Variants in AMBRA1 observed in about 807,000 individuals in gnomAD.
AMBRA1 encodes the protein activating molecule in BECN1-regulated autophagy protein 1.
Under a neutral mutation model 125.4 loss-of-function variants are expected in AMBRA1, and 47 were observed. That is an observed-to-expected ratio of 0.37 (90% confidence interval 0.30 to 0.48). The LOEUF (loss-of-function observed/expected upper bound fraction) is 0.48, where lower values mean the gene tolerates loss of function less well. Among genes scored for constraint, AMBRA1 ranks in the 20% least tolerant of loss-of-function variants. The pLI is 0.99. For synonymous variants in AMBRA1, 626 were observed against 655.5 expected, an observed-to-expected ratio of 0.95 and a Z score of 0.69; for missense variants, 1,331 against 1,693.4, an observed-to-expected ratio of 0.79 and a Z score of 3.76.
chr11:46,515,618 AAGG>A (rs1792890841), intron 7 of AMBRA1, among the ~76,000 whole-genome samples: 4 of 152,240 alleles, frequency 2.6e-5, no homozygotes, highest in African/African-American at 7.2e-5. Flanking sequence ...GAATGCTGTA[AAGG>A]AGATTCCTGA....
In AMBRA1 at chr11:46,488,856, T is replaced by C. The variant is rs538445644; in HGVS notation, c.2521+4752A>G. 2.0e-4 allele frequency among the ~76,000 whole-genome samples: 31 copies of C among 152,228 alleles called. No individual in the cohort carries two copies. In the South Asian group the frequency reaches 3.9e-3, roughly 19 times the overall value. ...CAACAACACACTCCCAAAAAAGTAA[T>C]AGGTCAAAGAAGTCGTACTGAGAAG... On this transcript the variant is annotated intron_variant, in intron 11 of 17. Transcript: ENST00000683756.
intron 11 of AMBRA1, among the ~76,000 whole-genome samples, chr11:46,452,948 T>A (rs1160961748): frequency 6.6e-6 from 1 of 152,252 alleles, no homozygotes; most frequent in Non-Finnish European, 1.5e-5. Context: ...AATTCACCTA[T>A]TTTAAAGTAT....
intron 3 of AMBRA1, 92 bp from the exon 4 acceptor site, chr11:46,547,388 C>T (rs2042857428): frequency 1.8e-6 from 2 of 1,094,886 alleles, no homozygotes; most frequent in African/African-American, 3.2e-5. Context: ...TTGATGCTAC[C>T]TGCCAATCCC....
intron 1 of AMBRA1, among the ~76,000 whole-genome samples, chr11:46,573,666 T>A (rs1288247013): frequency 6.7e-6 from 1 of 149,722 alleles, no homozygotes; most frequent in Non-Finnish European, 1.5e-5. Context: ...CCTTTTTCTT[T>A]TTTTTTTTTT....
intron 7 of AMBRA1, among the ~76,000 whole-genome samples, chr11:46,516,729 G>A (rs887852889): frequency 6.6e-5 from 10 of 151,946 alleles, no homozygotes; most frequent in African/African-American, 1.9e-4. Context: ...CACTGCGCCC[G>A]GCCAAAAGAT....
At chr11:46,520,228 A>C (rs1035820909) in intron 7 of AMBRA1, among the ~76,000 whole-genome samples, 2 of 152,198 alleles carry the variant, frequency 1.3e-5, no homozygotes, top group African/African-American at 4.8e-5. Flanking sequence ...AATTTATTGA[A>C]ATTAAAACTG....
intron 7 of AMBRA1, among the ~76,000 whole-genome samples, chr11:46,540,471 G>T (rs1565269318): frequency 6.6e-6 from 1 of 152,118 alleles, no homozygotes; most frequent in Non-Finnish European, 1.5e-5. Flanking sequence ...AGGAATTGAG[G>T]AGCTGTTAAT....
Position 46,508,360 on chromosome 11 carries a change from C to T in AMBRA1, c.2170G>A (p.Ala724Thr). ...IYPDPARLSP[A>T]AYYAQRMIQY... ...ATCATCCTCTGGGCGTAGTATGCAG[C>T]AGGAGATAATCTGAGAGAGACAGAG... The change falls in exon 9 of 18, where the codon GCT (alanine) becomes ACT (threonine). Residue 724 changes from alanine (A) to threonine (T), a missense_variant. Around this residue, in one of 4 missense-constraint regions of AMBRA1, gnomAD observed 689 missense variants for 776.5 expected, o/e 0.89. Transcript: ENST00000683756. 1 of 1,614,008 alleles carries T rather than the reference C, an allele frequency of 6.2e-7. No individual in the cohort carries two copies. The highest frequency in any genetic ancestry group is 2.2e-5 in the East Asian group (1 of 44,888).
chr11:46,552,653 T>C (rs2043042864), intron 1 of AMBRA1, among the ~76,000 whole-genome samples: 1 of 143,472 alleles, frequency 7.0e-6, no homozygotes, highest in Admixed American at 7.3e-5. Flanking sequence ...CACTCCAGCC[T>C]GGGCAACAGA....
intron 8 of AMBRA1, among the ~76,000 whole-genome samples, chr11:46,509,438 A>C (rs907859325): frequency 3.9e-5 from 6 of 152,234 alleles, no homozygotes; most frequent in Admixed American, 2.6e-4. Flanking sequence ...ACTTGACTCA[A>C]TAATTCTACT....
intron 9 of AMBRA1, among the ~76,000 whole-genome samples, chr11:46,505,653 G>T (rs947612899): frequency 3.3e-5 from 5 of 149,310 alleles, no homozygotes; most frequent in Admixed American, 2.7e-4. Context: ...TGTAAATTCA[G>T]GTCATGCTAA....
intron 12 of AMBRA1, among the ~76,000 whole-genome samples, chr11:46,439,028 C>T (rs538697001): frequency 2.6e-5 from 4 of 152,026 alleles, no homozygotes; most frequent in African/African-American, 9.7e-5. Context: ...CCCAGTACTA[C>T]GGGAGGCCAA....
chr11:46,475,542 GAC>G (rs1949781836), intron 11 of AMBRA1, among the ~76,000 whole-genome samples: 2 of 152,124 alleles, frequency 1.3e-5, no homozygotes, highest in African/African-American at 4.8e-5. Context: ...GAAAATGAGA[GAC>G]AGAGGAATCC....
intron 7 of AMBRA1, among the ~76,000 whole-genome samples, chr11:46,527,157 T>C (rs1952007247): frequency 6.6e-6 from 1 of 152,004 alleles, no homozygotes; most frequent in South Asian, 2.1e-4. Context: ...ATTTGAGAAA[T>C]TAAGGCTATT....
At chr11:46,540,147 A>G (rs1393512509) in intron 7 of AMBRA1, among the ~76,000 whole-genome samples, 1 of 152,166 alleles carries the variant, frequency 6.6e-6, no homozygotes, top group East Asian at 1.9e-4. Context: ...TGGTATCTCT[A>G]ATTATCATCA....
intron 11 of AMBRA1, among the ~76,000 whole-genome samples, chr11:46,469,895 C>G (rs182406879): frequency 1.4e-5 from 2 of 142,952 alleles, no homozygotes; most frequent in South Asian, 4.4e-4. Flanking sequence ...CCAGACTGGT[C>G]TCGAACTCCT....
At chr11:46,472,639 A>C (rs1396097791) in intron 11 of AMBRA1, among the ~76,000 whole-genome samples, 4 of 152,224 alleles carry the variant, frequency 2.6e-5, no homozygotes, top group African/African-American at 9.6e-5. Flanking sequence ...AGTAGTTCTC[A>C]ATCTTTTTGT....
chr11:46,421,762 T>A (rs973633559), intron 14 of AMBRA1, among the ~76,000 whole-genome samples: 1 of 152,218 alleles, frequency 6.6e-6, no homozygotes. Context: ...TACTGACAGA[T>A]GGTTACGTAG....
At chr11:46,520,299 T>C (rs1057147186) in intron 7 of AMBRA1, among the ~76,000 whole-genome samples, 2 of 152,144 alleles carry the variant, frequency 1.3e-5, no homozygotes, top group African/African-American at 4.8e-5. Context: ...CCTCATTACA[T>C]GTCATGGAGC....
Sources: gnomAD v4.1 joint callset for allele counts (sites outside exome capture counted in the v4.1 genomes callset) on GRCh38, gnomAD v4.1.1 for gene constraint, gnomAD v4.1.1 regional missense constraint, MANE v1.5 for transcripts, NCBI Gene and HGNC (gene_info 2026-07-23, HGNC 2026-07-21) for gene names.